Variants in PLCG1 observed in about 807,000 individuals in gnomAD.
PLCG1 encodes phospholipase C gamma 1.
In PLCG1, 71 loss-of-function variants were observed where a neutral mutation model predicts 177.8. That is an observed-to-expected ratio of 0.40 (90% CI 0.33 to 0.49). The LOEUF (loss-of-function observed/expected upper bound fraction) is 0.49. PLCG1 is among the 20% of genes least tolerant of loss of function. The pLI is 0.72. For missense variants in PLCG1, 1,281 were observed against 1,709.0 expected (o/e 0.75, Z 4.42); for synonymous variants, 658 against 647.9 (o/e 1.02, Z -0.24).
At position 41,174,207 on chromosome 20, in the gene PLCG1, C is replaced by G. The variant is rs1375441219; in HGVS notation, c.3729C>G (p.Gly1243=). ...ATGCCTCAGGCCAGCTGTTTCATGG[C>G]CGAGCCCGGGAAGGCTCCTTTGAAT... The part of the protein sequence containing the change: ...GSDASGQLFH[G]RAREGSFESR... Residue 1243 remains glycine (G), a synonymous_variant, in exon 31 of 32, where the codon GGC becomes GGG. Coordinates refer to ENST00000685551, the MANE Select transcript of PLCG1 (RefSeq NM_002660.3). This position sits in a 1 kb window ranked among gnomAD's most constrained non-coding sequence, Gnocchi z 5.8. 9 of 1,614,032 alleles carry G rather than the reference C, an allele frequency of 5.6e-6. No homozygotes were observed. The highest frequency in any genetic ancestry group is 7.6e-6 in the Non-Finnish European group (9 of 1,180,036).
chr20:41,174,219 A>G lies in PLCG1; in HGVS notation c.3741A>G (p.Glu1247=). ...AGCTGTTTCATGGCCGAGCCCGGGA[A>G]GGCTCCTTTGAATCCCGCTACCAGC... is the stretch of plus-strand genomic sequence containing the variant. ...SGQLFHGRAR[E]GSFESRYQQP... The change falls in exon 31 of 32, where the codon GAA becomes GAG. Residue 1247 remains glutamate, a synonymous_variant. Transcript: ENST00000685551. The surrounding 1 kb of genome is among the most constrained non-coding windows in gnomAD (Gnocchi z 5.8). The G allele has an allele frequency of 6.2e-7, 1 of 1,614,178 alleles. No homozygotes were observed. Among genetic ancestry groups the G allele is most frequent in the Non-Finnish European group, 8.5e-7 (1 of 1,180,032 alleles).
chr20:41,159,964 G>T lies in PLCG1; in HGVS notation c.464+1G>T. ...CACCCACACCCCTGCAGATTGAGAG[G>T]TAAGAACCACTCCTGAAGGGGTTAG... On this transcript the variant is annotated splice_donor_variant, in intron 3 of 31. Coordinates refer to ENST00000685551, the MANE Select transcript of PLCG1 (RefSeq NM_002660.3). LOFTEE classifies it high-confidence loss of function. The surrounding 1 kb of genome is among the most constrained non-coding windows in gnomAD (Gnocchi z 6.0). 6.2e-7 allele frequency: 1 copy of T among 1,613,012 alleles called. No individual in the cohort carries two copies. Among genetic ancestry groups the T allele is most frequent in the South Asian group, 1.1e-5 (1 of 91,050 alleles).
At position 41,163,746 on chromosome 20, in the gene PLCG1, G is replaced by C; in HGVS notation, c.923G>C (p.Ser308Thr). 2 of 1,613,024 alleles carry C rather than the reference G, an allele frequency of 1.2e-6. No homozygotes were observed. Among genetic ancestry groups the C allele is most frequent in the South Asian group, 2.2e-5 (2 of 91,062 alleles). Reference sequence around the variant, plus strand: ...ACCTTCCTGTTCTCCAAAGAGAACAGTGTGTGGAACTCGCAGCTGGATGCA... The same window carrying C: ...ACCTTCCTGTTCTCCAAAGAGAACACTGTGTGGAACTCGCAGCTGGATGCA... ...FVTFLFSKENSVWNSQLDAVC... is the reference protein window; with the variant it reads ...FVTFLFSKENTVWNSQLDAVC... Residue 308 changes from serine (S) to threonine (T), a missense_variant, in exon 10 of 32, where the codon AGT (serine) becomes ACT (threonine). Physicochemically the swap from Ser to Thr is moderately conservative, Grantham distance 58. This residue lies in a region of PLCG1 where 374 missense variants were observed against 443.8 expected (regional missense o/e 0.84). Coordinates refer to ENST00000685551, the MANE Select transcript of PLCG1 (RefSeq NM_002660.3). This position sits in a 1 kb window ranked among gnomAD's most constrained non-coding sequence, Gnocchi z 5.2.
chr20:41,165,235 G>A lies in PLCG1; in HGVS notation c.1387-10G>A, dbSNP rs765518870. Reference sequence around the variant, plus strand: ...GGGTCTGCATTGCCCTGTTCTGGTTGCCCCTACAGCACAAGAAGCTGGCTG... The same window carrying A: ...GGGTCTGCATTGCCCTGTTCTGGTTACCCCTACAGCACAAGAAGCTGGCTG... On this transcript the variant is annotated splice_polypyrimidine_tract_variant and intron_variant, in intron 13 of 31. Coordinates refer to ENST00000685551, the MANE Select transcript of PLCG1 (RefSeq NM_002660.3). This position sits in a 1 kb window ranked among gnomAD's most constrained non-coding sequence, Gnocchi z 6.6. 1 of 1,613,858 alleles carries A rather than the reference G, an allele frequency of 6.2e-7. No homozygotes were observed. Among genetic ancestry groups the A allele is most frequent in the South Asian group, 1.1e-5 (1 of 91,052 alleles).
Position 41,147,675 on chromosome 20 carries a change from C to T in PLCG1, c.217+9817C>T, listed in dbSNP as rs1002621534. Among the ~76,000 whole-genome samples the T allele has an allele frequency of 6.6e-6, 1 of 152,092 alleles. No individual in the cohort carries two copies. The highest frequency in any genetic ancestry group is 2.4e-5 in the African/African-American group (1 of 41,408). ...ACCAGCCTGGCTAAGATGGTGAAAT[C>T]CCATCTCTACTAAAAATACAAAAAT... On this transcript the variant is annotated intron_variant, in intron 1 of 31. Transcript: ENST00000685551. The surrounding 1 kb of genome is among the most constrained non-coding windows in gnomAD (Gnocchi z 4.0).
intron 1 of PLCG1, among the ~76,000 whole-genome samples, chr20:41,145,591 T>C (rs2034972684): frequency 6.6e-6 from 1 of 152,192 alleles, no homozygotes. Flanking sequence ...TCGCTACTTC[T>C]GCCACTCATC....
In PLCG1 at chr20:41,174,843, C is replaced by G. The variant is rs141628590; in HGVS notation, c.*334C>G. 2.1e-5 allele frequency: 7 copies of G among 327,078 alleles called. No homozygotes were observed. The East Asian group carries it at 3.5e-4, about 17-fold the overall frequency. 20.3% of individuals were successfully genotyped at this position (327,078 alleles called of 1,614,324 possible). A position where few individuals can be genotyped will look rare whatever the true frequency, so the allele number is the denominator to read the frequency against. On this transcript the variant is annotated 3_prime_UTR_variant, in exon 32 of 32. Transcript: ENST00000685551. The surrounding 1 kb of genome is among the most constrained non-coding windows in gnomAD (Gnocchi z 5.8). ...CCTTGGAGAGAGAGGCTGCCTCAGC[C>G]AGTGGCACAGGAGACTCCAAGGAGC... is the stretch of plus-strand genomic sequence containing the variant.
intron 1 of PLCG1, among the ~76,000 whole-genome samples, chr20:41,142,790 T>A (rs564621053): frequency 6.6e-6 from 1 of 152,322 alleles, no homozygotes; most frequent in South Asian, 2.1e-4. Flanking sequence ...TGAGAACCTG[T>A]ATAAAGTGCT....
In PLCG1 at chr20:41,139,877, G is replaced by A. The variant is rs527520223; in HGVS notation, c.217+2019G>A. The stretch of plus-strand genomic sequence containing the variant: ...AAAAGGCAGGAAACAGTTTTGTTTT[G>A]CCCCAACCCATGTGCCCACTCACCC... On this transcript the variant is annotated intron_variant, in intron 1 of 31. Transcript: ENST00000685551. Among the ~76,000 whole-genome samples the A allele has an allele frequency of 1.1e-4, 16 of 152,210 alleles. No individual in the cohort carries two copies. In the East Asian group the frequency reaches 3.1e-3, roughly 29 times the overall value.
chr20:41,143,477 A>G (rs569232943), intron 1 of PLCG1, among the ~76,000 whole-genome samples: 4 of 152,308 alleles, frequency 2.6e-5, no homozygotes, highest in African/African-American at 9.6e-5. Context: ...GGTGTGGGAT[A>G]GGAGGATGGG....
chr20:41,156,441 T>C lies in PLCG1; in HGVS notation c.218-3165T>C, dbSNP rs370144377. 5.1e-4 allele frequency among the ~76,000 whole-genome samples: 77 copies of C among 152,324 alleles called. 1 individual carries two copies. Among genetic ancestry groups the C allele is most frequent in the East Asian group, 4.8e-3 (25 of 5,176 alleles). On this transcript the variant is annotated intron_variant, in intron 1 of 31. Transcript: ENST00000685551. This position sits in a 1 kb window ranked among gnomAD's most constrained non-coding sequence, Gnocchi z 5.0. ...TGGGCTGTGCTGGCTGGGCTTTGCC[T>C]TCTTGGGTCAAGGCGAGCCTGGGCA... is the stretch of plus-strand genomic sequence containing the variant.
intron 1 of PLCG1, among the ~76,000 whole-genome samples, chr20:41,145,744 G>A (rs1409422078): frequency 3.3e-5 from 5 of 152,190 alleles, no homozygotes; most frequent in Admixed American, 1.3e-4. Flanking sequence ...CGAATATTCT[G>A]TAGTTTTGGG....
At chr20:41,142,524 GC>G (rs1267116857) in intron 1 of PLCG1, among the ~76,000 whole-genome samples, 1 of 152,202 alleles carries the variant, frequency 6.6e-6, no homozygotes, top group Non-Finnish European at 1.5e-5. Context: ...GCTGCTGAGG[GC>G]CCAGACAAGA....
intron 1 of PLCG1, among the ~76,000 whole-genome samples, chr20:41,143,075 T>C (rs1267817391): frequency 2.0e-5 from 3 of 152,198 alleles, no homozygotes; most frequent in Non-Finnish European, 4.4e-5. Flanking sequence ...GACAGGGCAG[T>C]TGGCTGGAAG....
chr20:41,157,175 A>G lies in PLCG1; in HGVS notation c.218-2431A>G, dbSNP rs530636952. On this transcript the variant is annotated intron_variant, in intron 1 of 31. Transcript: ENST00000685551. The surrounding 1 kb of genome is among the most constrained non-coding windows in gnomAD (Gnocchi z 5.4). ...CTGCCTTCAACTGATCTCAATGGAAATATGTGCAGGAGTGCAGGCCTGTTG... is the reference window on the plus strand; with the variant it reads ...CTGCCTTCAACTGATCTCAATGGAAGTATGTGCAGGAGTGCAGGCCTGTTG... 2.7e-5 allele frequency among the ~76,000 whole-genome samples: 4 copies of G among 149,528 alleles called. No homozygotes were observed. The highest frequency in any genetic ancestry group is 4.4e-5 in the Non-Finnish European group (3 of 67,898).
rs766145575 is a variant in PLCG1 at position 41,172,766 on chromosome 20, G to A, written c.3168G>A (p.Thr1056=). ...PMQMNQALFM[T]GRHCGYVLQP... ...AGATGAACCAGGCCCTCTTCATGAC[G>A]GGCAGGCACTGTGGCTACGTGCTGC... Residue 1056 remains threonine, a synonymous_variant, in exon 27 of 32, where the codon ACG becomes ACA. Transcript: ENST00000685551. The surrounding 1 kb of genome is among the most constrained non-coding windows in gnomAD (Gnocchi z 7.0). 3.1e-6 allele frequency: 5 copies of A among 1,614,074 alleles called. No homozygotes were observed. Among genetic ancestry groups the A allele is most frequent in the East Asian group, 2.2e-5 (1 of 44,884 alleles).
intron 1 of PLCG1, among the ~76,000 whole-genome samples, chr20:41,145,042 A>T (rs766415056): frequency 6.6e-6 from 1 of 152,208 alleles, no homozygotes; most frequent in Non-Finnish European, 1.5e-5. Flanking sequence ...AGGCAGACAG[A>T]TAAAATTCTT....
In PLCG1 at chr20:41,175,119, T is replaced by TA. The variant is rs1163200179; in HGVS notation, c.*611dup. 6.5e-6 allele frequency: 1 copy of TA among 152,918 alleles called. No individual in the cohort carries two copies. The highest frequency in any genetic ancestry group is 1.5e-5 in the Non-Finnish European group (1 of 68,284). 9.5% of individuals were successfully genotyped at this position (152,918 alleles called of 1,614,324 possible). A position where few individuals can be genotyped will look rare whatever the true frequency, so the allele number is the denominator to read the frequency against. On this transcript the variant is annotated 3_prime_UTR_variant, in exon 32 of 32. Transcript: ENST00000685551. ...TGGGAACATGACCCAGCCTGAAAGA[T>TA]ACAGGGGATCATGTTAAAAATAGCA... is the stretch of plus-strand genomic sequence containing the variant.
intron 1 of PLCG1, among the ~76,000 whole-genome samples, chr20:41,140,331 G>A (rs1444670801): frequency 6.6e-6 from 1 of 152,198 alleles, no homozygotes; most frequent in Non-Finnish European, 1.5e-5. Context: ...CCATTCGTGG[G>A]CTCTCCTTGT....
Sources: gnomAD v4.1 joint callset for allele counts (sites outside exome capture counted in the v4.1 genomes callset) on GRCh38, gnomAD v4.1.1 for gene constraint, gnomAD v4.1.1 regional missense constraint, Gnocchi (gnomAD v3.1) non-coding constraint, MANE v1.5 for transcripts, NCBI Gene and HGNC (gene_info 2026-07-23, HGNC 2026-07-21) for gene names.